RSF1: variants seen among roughly 807,000 people sequenced by gnomAD.
RSF1 encodes the protein remodeling and spacing factor 1.
In RSF1, 13 loss-of-function variants were observed where a neutral mutation model predicts 145.2. The ratio of observed to expected loss-of-function variants is 0.09; its 90% CI spans 0.06 to 0.14. The LOEUF is 0.14. Ranked by LOEUF, RSF1 falls within the 10% of genes least tolerant of loss-of-function variation. RSF1 has a pLI of 1.00. For missense variants in RSF1, 1,517 were observed against 1,718.2 expected, an observed-to-expected ratio of 0.88 and a Z score of 2.07; for synonymous variants, 577 against 592.6, an observed-to-expected ratio of 0.97 and a Z score of 0.38.
At chr11:77,693,842 T>G (rs1055456497) in intron 7 of RSF1, among the ~76,000 whole-genome samples, 1 of 152,080 alleles carries the variant, frequency 6.6e-6, no homozygotes, top group Admixed American at 6.6e-5. Flanking sequence ...AGGAGTGCAG[T>G]GGCACAATTT....
At chr11:77,853,715 T>G in the RSF1 span, among the ~76,000 whole-genome samples, 1 of 151,956 alleles carries the variant, frequency 6.6e-6, no homozygotes, top group African/African-American at 2.4e-5. Context: ...CCAAAGTGGA[T>G]GGATTGCTTC....
chr11:77,850,953 CTTTTTTTTT>C, the RSF1 span: 3 of 119,554 alleles, frequency 2.5e-5, no homozygotes, highest in African/African-American at 3.2e-5. Context: ...ACAATAATAT[CTTTTTTTTT>C]TTTTTTTTTT....
chr11:77,815,582 T>G (rs925606198), intron 1 of RSF1, among the ~76,000 whole-genome samples: 8 of 152,196 alleles, frequency 5.3e-5, no homozygotes, highest in Admixed American at 5.2e-4. Flanking sequence ...TAGATAATTT[T>G]AGTTTACAAC....
At position 77,679,323 on chromosome 11, in the gene RSF1, C is replaced by A. The variant is rs139523880; in HGVS notation, c.3066-1170G>T. ...CATAATTTGCCAACTCCTAATTATA[C>A]AAATCACATGGCAAAGTAAGTAAAA... On this transcript the variant is annotated intron_variant, in intron 11 of 15. Coordinates refer to ENST00000308488, the MANE Select transcript of RSF1 (RefSeq NM_016578.4). Among the ~76,000 whole-genome samples the A allele has an allele frequency of 7.1e-4, 108 of 152,304 alleles. 1 individual carries two copies. In the Middle Eastern group the frequency reaches 0.01, roughly 14 times the overall value.
chr11:77,815,769 T>G (rs78929722), intron 1 of RSF1, among the ~76,000 whole-genome samples: 3,088 of 152,236 alleles, frequency 0.02, 95 homozygotes, highest in African/African-American at 0.07. Context: ...CCCCACAATA[T>G]TTACTGTAGC....
At chr11:77,851,931 A>C in the RSF1 span, among the ~76,000 whole-genome samples, 1 of 152,190 alleles carries the variant, frequency 6.6e-6, no homozygotes, top group Non-Finnish European at 1.5e-5. Context: ...CTGTGATCCA[A>C]CAAATTATAA....
chr11:77,680,261 T>C (rs563329192), intron 11 of RSF1, among the ~76,000 whole-genome samples: 1 of 151,302 alleles, frequency 6.6e-6, no homozygotes, highest in East Asian at 2.0e-4. Context: ...GGTGAGACCC[T>C]GTATCTACAA....
At chr11:77,804,538 G>T (rs532445268) in intron 1 of RSF1, among the ~76,000 whole-genome samples, 25 of 152,274 alleles carry the variant, frequency 1.6e-4, no homozygotes, top group Non-Finnish European at 3.4e-4. Flanking sequence ...TAAGCACATG[G>T]TGTCTAATAG....
At chr11:77,850,880 G>T in the RSF1 span, 2 of 151,066 alleles carry the variant, frequency 1.3e-5, no homozygotes, top group African/African-American at 4.9e-5. Flanking sequence ...CTCTCCTAAG[G>T]ACATGAATAT....
rs924174276 is a variant in RSF1 at position 77,661,232 on chromosome 11, C to G, written c.*5685G>C. On this transcript the variant is annotated 3_prime_UTR_variant, in exon 16 of 16. Coordinates refer to ENST00000308488, the MANE Select transcript of RSF1 (RefSeq NM_016578.4). ...GACATACCCTTTCAAAGTGTACACA[C>G]AACCTCATGGCAGGTTTGGGCAAGC... The G allele has an allele frequency of 2.0e-5, 3 of 152,148 alleles. No homozygotes were observed. The highest frequency in any genetic ancestry group is 6.6e-5 in the Admixed American group (1 of 15,258). The allele number at this position is 152,148 out of a possible 1,614,324, so 9.4% of individuals were successfully genotyped here.
intron 5 of RSF1, among the ~76,000 whole-genome samples, chr11:77,714,878 CTT>C (rs1459786192): frequency 6.6e-6 from 1 of 151,966 alleles, no homozygotes; most frequent in Non-Finnish European, 1.5e-5. Context: ...AATCCCACTG[CTT>C]TAGAAGGTTG....
At chr11:77,753,699 T>C (rs1369891153) in intron 2 of RSF1, among the ~76,000 whole-genome samples, 1 of 152,238 alleles carries the variant, frequency 6.6e-6, no homozygotes, top group East Asian at 1.9e-4. Context: ...TGGACTCCCC[T>C]GGTAGAGGTA....
intron 1 of RSF1, among the ~76,000 whole-genome samples, chr11:77,790,353 A>G (rs967018125): frequency 6.6e-6 from 1 of 152,218 alleles, no homozygotes; most frequent in East Asian, 1.9e-4. Context: ...CATGAGAAAG[A>G]CCTGCCCTCA....
chr11:77,819,497 T>G (rs1948819297), intron 1 of RSF1, among the ~76,000 whole-genome samples: 1 of 152,180 alleles, frequency 6.6e-6, no homozygotes, highest in Non-Finnish European at 1.5e-5. Flanking sequence ...GGGCAGAGCA[T>G]GCGCCCTGCA....
intron 1 of RSF1, among the ~76,000 whole-genome samples, chr11:77,789,982 C>G (rs1260626567): frequency 1.3e-5 from 2 of 152,304 alleles, no homozygotes; most frequent in Non-Finnish European, 2.9e-5. Flanking sequence ...TCTATCACAG[C>G]CACCGCCAAC....
intron 5 of RSF1, among the ~76,000 whole-genome samples, chr11:77,706,635 A>G (rs1960558395): frequency 6.6e-6 from 1 of 151,020 alleles, no homozygotes; most frequent in African/African-American, 2.4e-5. Context: ...GCTATTTTGT[A>G]CCTTTTAAGA....
chr11:77,796,142 C>A (rs1852371552), intron 1 of RSF1, among the ~76,000 whole-genome samples: 1 of 151,978 alleles, frequency 6.6e-6, no homozygotes, highest in Non-Finnish European at 1.5e-5. Flanking sequence ...AAGAGGGAAT[C>A]CTCCCTAACG....
At chr11:77,818,296 C>T (rs1948801051) in intron 1 of RSF1, among the ~76,000 whole-genome samples, 1 of 152,156 alleles carries the variant, frequency 6.6e-6, no homozygotes, top group Non-Finnish European at 1.5e-5. Context: ...TCATATACTA[C>T]CCAAAATACC....
chr11:77,826,911 C>G, the RSF1 span, among the ~76,000 whole-genome samples: 1 of 152,108 alleles, frequency 6.6e-6, no homozygotes, highest in African/African-American at 2.4e-5. Flanking sequence ...TCGAGACCAG[C>G]CTGGCCAACA....
Sources: allele counts gnomAD v4.1 joint callset (sites outside exome capture counted in the v4.1 genomes callset), GRCh38; gene constraint gnomAD v4.1.1; transcripts MANE v1.5; gene names NCBI Gene and HGNC (gene_info 2026-07-23, HGNC 2026-07-21).